ADGRB1: variants seen among roughly 807,000 people sequenced by gnomAD.
The protein encoded by ADGRB1 is brain-specific angiogenesis inhibitor 1.
Under a neutral mutation model 175.7 loss-of-function variants are expected in ADGRB1, and 36 were observed. The observed-to-expected ratio is 0.20, with a 90% CI of 0.16 to 0.27. The LOEUF is 0.27. ADGRB1 is among the 10% of genes least tolerant of loss of function. The pLI is 1.00. For synonymous variants in ADGRB1, 1,054 were observed against 979.4 expected, an observed-to-expected ratio of 1.08 and a Z score of -1.42; for missense variants, 1,731 against 2,255.3, an observed-to-expected ratio of 0.77 and a Z score of 4.71.
At chr8:142,531,828 G>C (rs1307452138) in intron 24 of ADGRB1, among the ~76,000 whole-genome samples, 1 of 152,194 alleles carries the variant, frequency 6.6e-6, no homozygotes, top group Non-Finnish European at 1.5e-5. Flanking sequence ...AGGAGGAAGA[G>C]AGTCCAGGAG....
Position 142,487,959 on chromosome 8 carries a change from C to T in ADGRB1, c.2309-405C>T, listed in dbSNP as rs574515351. Among the ~76,000 whole-genome samples, 4 of 152,312 alleles carry T rather than the reference C, an allele frequency of 2.6e-5. No homozygotes were observed. In the South Asian group the frequency reaches 8.3e-4, roughly 32 times the overall value. ...CACAGAGCTGGAGGGCAGCTGGGCT[C>T]CCCTGTCCCAGGAGGGAGTGGGGGG... On this transcript the variant is annotated intron_variant, in intron 13 of 30. Transcript: ENST00000517894.
At chr8:142,491,129 A>T (rs550027886) in intron 17 of ADGRB1, among the ~76,000 whole-genome samples, 5 of 152,304 alleles carry the variant, frequency 3.3e-5, no homozygotes, top group Non-Finnish European at 5.9e-5. Context: ...TGCCCACAGC[A>T]GGTGGAATCC....
chr8:142,456,696 A>G (rs1455121535), intron 1 of ADGRB1, among the ~76,000 whole-genome samples: 1 of 152,182 alleles, frequency 6.6e-6, no homozygotes, highest in Non-Finnish European at 1.5e-5. Context: ...CTCCTCCCAA[A>G]TGCTGGGCCC....
At chr8:142,516,089 G>T (rs1191692769) in intron 18 of ADGRB1, among the ~76,000 whole-genome samples, 2 of 152,206 alleles carry the variant, frequency 1.3e-5, no homozygotes, top group Non-Finnish European at 2.9e-5. Flanking sequence ...CACTTGGGCA[G>T]CACAGCTTGG....
intron 18 of ADGRB1, among the ~76,000 whole-genome samples, chr8:142,513,684 T>G (rs1322456121): frequency 6.6e-6 from 1 of 152,106 alleles, no homozygotes; most frequent in African/African-American, 2.4e-5. Context: ...CCTTCTCCCC[T>G]CCTGAGTGTG....
At chr8:142,469,190 C>G (rs1342157118) in intron 2 of ADGRB1, among the ~76,000 whole-genome samples, 3 of 147,640 alleles carry the variant, frequency 2.0e-5, no homozygotes, top group Non-Finnish European at 4.5e-5. Context: ...TGAATGTGTG[C>G]ACATGTGCAT....
intron 1 of ADGRB1, among the ~76,000 whole-genome samples, chr8:142,458,665 G>T (rs183045125): frequency 2.6e-5 from 4 of 152,038 alleles, no homozygotes; most frequent in Admixed American, 2.6e-4. Flanking sequence ...GGCACCCCCC[G>T]CCCTCCCTGA....
Position 142,493,690 on chromosome 8 carries a change from C to T in ADGRB1, c.2675+2875C>T, listed in dbSNP as rs1056226462. ...TGTGAGGAGCTGAGGCCCTGAGACT[C>T]CTACAGTCCCGCTGAAAGCACAGCG... On this transcript the variant is annotated intron_variant, in intron 17 of 30. Coordinates refer to ENST00000517894, the MANE Select transcript of ADGRB1 (RefSeq NM_001702.3). This position sits in a 1 kb window ranked among gnomAD's most constrained non-coding sequence, Gnocchi z 5.0. 2.6e-5 allele frequency among the ~76,000 whole-genome samples: 4 copies of T among 152,250 alleles called. No homozygotes were observed. Among genetic ancestry groups the T allele is most frequent in the African/African-American group, 4.8e-5 (2 of 41,466 alleles).
At position 142,511,203 on chromosome 8, in the gene ADGRB1, C is replaced by G. The variant is rs1843083105; in HGVS notation, c.2817+130C>G. 6 of 782,668 alleles carry G rather than the reference C, an allele frequency of 7.7e-6. No individual in the cohort carries two copies. Among genetic ancestry groups the G allele is most frequent in the Non-Finnish European group, 9.4e-6 (6 of 640,118 alleles). 48.5% of individuals were successfully genotyped at this position (782,668 alleles called of 1,614,324 possible). On this transcript the variant is annotated intron_variant, in intron 18 of 30. Transcript: ENST00000517894. The surrounding 1 kb of genome is among the most constrained non-coding windows in gnomAD (Gnocchi z 4.5). The stretch of plus-strand genomic sequence containing the variant: ...AGGGGTCGCTGTGGCCCGCAGCCGC[C>G]GTGGCCTGGCCCGGCCGGCGGGGTC...
intron 27 of ADGRB1, among the ~76,000 whole-genome samples, chr8:142,541,397 G>A (rs1031525730): frequency 6.6e-6 from 1 of 152,148 alleles, no homozygotes; most frequent in Admixed American, 6.5e-5. Flanking sequence ...GGCCCTCAGG[G>A]CAGAGCAGGG....
Position 142,544,606 on chromosome 8 carries a change from C to T in ADGRB1, c.*189C>T, listed in dbSNP as rs1845479873. ...CCAGAGCCAGATGCAGGACAGGAGGCGGCCCGGCCAGCGGGCACAGGGCAC... is the reference window on the plus strand; with the variant it reads ...CCAGAGCCAGATGCAGGACAGGAGGTGGCCCGGCCAGCGGGCACAGGGCAC... On this transcript the variant is annotated 3_prime_UTR_variant, in exon 31 of 31. Coordinates refer to ENST00000517894, the MANE Select transcript of ADGRB1 (RefSeq NM_001702.3). The T allele has an allele frequency of 1.4e-5, 9 of 631,382 alleles. No homozygotes were observed. The highest frequency in any genetic ancestry group is 7.5e-5 in the East Asian group (2 of 26,648). 39.1% of individuals were successfully genotyped at this position (631,382 alleles called of 1,614,324 possible).
intron 25 of ADGRB1, among the ~76,000 whole-genome samples, chr8:142,535,749 G>A (rs1258014649): frequency 1.3e-5 from 2 of 151,714 alleles, no homozygotes; most frequent in Admixed American, 6.6e-5. Flanking sequence ...TCCTCTGCTC[G>A]CCCACAGAGA....
chr8:142,537,216 T>G lies in ADGRB1; in HGVS notation c.3666+134T>G. 1 of 662,674 alleles carries G rather than the reference T, an allele frequency of 1.5e-6. No homozygotes were observed. The highest frequency in any genetic ancestry group is 2.3e-6 in the Non-Finnish European group (1 of 441,296). 41.0% of individuals were successfully genotyped at this position (662,674 alleles called of 1,614,324 possible). On this transcript the variant is annotated intron_variant, in intron 26 of 30. Coordinates refer to ENST00000517894, the MANE Select transcript of ADGRB1 (RefSeq NM_001702.3). The surrounding 1 kb of genome is among the most constrained non-coding windows in gnomAD (Gnocchi z 4.6). ...GCTGAGAGGAGCTCTGAACCCAGTG[T>G]GCAGTTGGGGAAACTGAGGCTCGCC...
intron 24 of ADGRB1, 82 bp downstream of exon 24, chr8:142,526,709 T>A (rs1587415841): frequency 2.9e-6 from 4 of 1,362,634 alleles, no homozygotes; most frequent in Non-Finnish European, 3.1e-6. Flanking sequence ...TGGAGAACGC[T>A]CCATGCCCAA....
At chr8:142,540,692 G>T (rs947278532) in intron 27 of ADGRB1, among the ~76,000 whole-genome samples, 1 of 152,164 alleles carries the variant, frequency 6.6e-6, no homozygotes, top group Non-Finnish European at 1.5e-5. Flanking sequence ...GTGGGAGGTC[G>T]GGAGCCCCAG....
chr8:142,539,312 A>T (rs954019718), intron 26 of ADGRB1, 62 bp from the exon 27 acceptor site: 20 of 1,526,032 alleles, frequency 1.3e-5, no homozygotes, highest in African/African-American at 2.8e-5. Flanking sequence ...CGGTCTGTGC[A>T]CGCGTGCACA....
intron 9 of ADGRB1, 96 bp from the exon 10 acceptor site, chr8:142,481,158 C>A: frequency 8.6e-7 from 1 of 1,163,578 alleles, no homozygotes; most frequent in South Asian, 1.3e-5. Flanking sequence ...CTGGGGGCCA[C>A]AGGGTCCCTT....
chr8:142,463,338 C>T (rs978426932), intron 1 of ADGRB1, among the ~76,000 whole-genome samples: 1 of 152,242 alleles, frequency 6.6e-6, no homozygotes, highest in African/African-American at 2.4e-5. Flanking sequence ...AATCTGAACT[C>T]CCCTCACCCC....
At chr8:142,467,166 C>T (rs1021670074) in intron 2 of ADGRB1, among the ~76,000 whole-genome samples, 1 of 152,214 alleles carries the variant, frequency 6.6e-6, no homozygotes, top group Non-Finnish European at 1.5e-5. Flanking sequence ...AGTGCAGGCA[C>T]CCTATGGTGT....
Sources: gnomAD v4.1 joint callset for allele counts (sites outside exome capture counted in the v4.1 genomes callset) on GRCh38, gnomAD v4.1.1 for gene constraint, Gnocchi (gnomAD v3.1) non-coding constraint, MANE v1.5 for transcripts, NCBI Gene and HGNC (gene_info 2026-07-23, HGNC 2026-07-21) for gene names.